The following BMPR1B variants were observed in gnomAD, a reference collection of about 807,000 sequenced individuals.
BMPR1B encodes the protein bone morphogenetic protein receptor type-1B.
A neutral mutation model predicts 59.1 loss-of-function variants in BMPR1B; 12 were observed. The ratio of observed to expected loss-of-function variants is 0.20; its 90% CI spans 0.13 to 0.33. The LOEUF is 0.33. BMPR1B is among the 10% of genes least tolerant of loss of function. BMPR1B has a pLI of 1.00. For synonymous variants in BMPR1B, 237 were observed against 207.3 expected (o/e 1.14, Z -1.23); for missense variants, 550 against 610.9 (o/e 0.90, Z 1.05).
At chr4:94,785,938 T>A (rs1006015026) in intron 1 of BMPR1B, among the ~76,000 whole-genome samples, 14 of 152,194 alleles carry the variant, frequency 9.2e-5, no homozygotes, top group African/African-American at 3.4e-4. Flanking sequence ...TAGTGACCTT[T>A]CCTGAAGTTA....
chr4:94,784,402 T>G (rs1722692762), intron 1 of BMPR1B, among the ~76,000 whole-genome samples: 2 of 152,342 alleles, frequency 1.3e-5, no homozygotes, highest in South Asian at 4.1e-4. Context: ...CTTACAAGAT[T>G]ACTTTTTAAA....
intron 1 of BMPR1B, among the ~76,000 whole-genome samples, chr4:94,870,410 G>C (rs935864686): frequency 7.1e-6 from 1 of 141,810 alleles, no homozygotes; most frequent in African/African-American, 3.1e-5. Context: ...TACCACTTGT[G>C]GTAGAGAACA....
chr4:94,916,391 C>T (rs1728484572), intron 2 of BMPR1B, among the ~76,000 whole-genome samples: 1 of 152,136 alleles, frequency 6.6e-6, no homozygotes, highest in Non-Finnish European at 1.5e-5. Flanking sequence ...GCCGAGGTCT[C>T]AAATGGAAAT....
At chr4:95,052,605 T>G (rs1726586182) in intron 3 of BMPR1B, among the ~76,000 whole-genome samples, 1 of 152,190 alleles carries the variant, frequency 6.6e-6, no homozygotes, top group Admixed American at 6.5e-5. Flanking sequence ...TAGAACTAAC[T>G]TGGCTGTACT....
At chr4:95,032,366 G>T (rs138751393) in intron 3 of BMPR1B, among the ~76,000 whole-genome samples, 27 of 152,020 alleles carry the variant, frequency 1.8e-4, no homozygotes, top group African/African-American at 6.0e-4. Context: ...CTGTGATAGG[G>T]TCCTTACTCT....
chr4:94,768,832 C>T (rs1322544778), intron 1 of BMPR1B, among the ~76,000 whole-genome samples: 4 of 152,052 alleles, frequency 2.6e-5, no homozygotes, highest in African/African-American at 9.7e-5. Flanking sequence ...ATATTTTGAA[C>T]AAAGGAATGT....
chr4:95,116,552 A>G (rs1732079678), intron 6 of BMPR1B, among the ~76,000 whole-genome samples: 1 of 151,898 alleles, frequency 6.6e-6, no homozygotes, highest in African/African-American at 2.4e-5. Flanking sequence ...TTTCTTGAGA[A>G]GAGAAAAATC....
intron 2 of BMPR1B, among the ~76,000 whole-genome samples, chr4:94,881,800 G>A (rs970568902): frequency 1.3e-5 from 2 of 151,970 alleles, no homozygotes; most frequent in Non-Finnish European, 2.9e-5. Context: ...TTTTTCTTCA[G>A]CCATAAAATA....
chr4:94,829,341 T>TG, intron 1 of BMPR1B, among the ~76,000 whole-genome samples: 1 of 151,704 alleles, frequency 6.6e-6, no homozygotes, highest in South Asian at 2.1e-4. Context: ...TTTTTTTTTT[T>TG]TTGGGACACT....
In BMPR1B at chr4:94,900,271, C is replaced by G. The variant is rs1245729093; in HGVS notation, c.-113+24371C>G. ...TGTGTATAACTTGAACCTAAGATGT[C>G]AATTAGCTGGATGGTGTATTTTTAC... is the stretch of plus-strand genomic sequence containing the variant. On this transcript the variant is annotated intron_variant, in intron 2 of 12. Transcript: ENST00000515059. 2.1e-5 allele frequency among the ~76,000 whole-genome samples: 3 copies of G among 143,282 alleles called. No individual in the cohort carries two copies. The East Asian group carries it at 6.2e-4, about 29-fold the overall frequency. 94.0% of individuals were successfully genotyped at this position (143,282 alleles called of 152,430 possible).
At chr4:94,876,548 G>C (rs1216417050) in intron 2 of BMPR1B, among the ~76,000 whole-genome samples, 1 of 152,158 alleles carries the variant, frequency 6.6e-6, no homozygotes, top group Non-Finnish European at 1.5e-5. Flanking sequence ...TGTGAAAACT[G>C]TTCTGTTAAT....
At chr4:95,076,538 A>G (rs1306734577) in intron 3 of BMPR1B, among the ~76,000 whole-genome samples, 3 of 152,096 alleles carry the variant, frequency 2.0e-5, no homozygotes, top group African/African-American at 7.2e-5. Flanking sequence ...TCTAGGTACT[A>G]AAAGCATTTT....
chr4:94,826,093 T>G (rs1443480466), intron 1 of BMPR1B, among the ~76,000 whole-genome samples: 3 of 152,242 alleles, frequency 2.0e-5, no homozygotes, highest in Non-Finnish European at 4.4e-5. Context: ...ATATTTTTAT[T>G]TGTTTATTTG....
intron 3 of BMPR1B, among the ~76,000 whole-genome samples, chr4:95,080,353 C>T (rs1281013226): frequency 1.3e-5 from 2 of 152,148 alleles, no homozygotes; most frequent in Non-Finnish European, 2.9e-5. Flanking sequence ...TTACCTCCCT[C>T]AACCTCCTGA....
intron 1 of BMPR1B, among the ~76,000 whole-genome samples, chr4:94,850,311 T>C (rs552304966): frequency 6.6e-6 from 1 of 152,204 alleles, no homozygotes; most frequent in Admixed American, 6.5e-5. Context: ...CAAAGGAAAT[T>C]AATGAATAGA....
intron 2 of BMPR1B, among the ~76,000 whole-genome samples, chr4:94,969,331 G>A (rs956987958): frequency 3.3e-5 from 5 of 152,012 alleles, no homozygotes; most frequent in African/African-American, 7.2e-5. Context: ...CACCATGCCC[G>A]TCCATATCCT....
At chr4:94,898,643 C>T (rs761177037) in intron 2 of BMPR1B, among the ~76,000 whole-genome samples, 1 of 152,048 alleles carries the variant, frequency 6.6e-6, no homozygotes, top group Non-Finnish European at 1.5e-5. Flanking sequence ...CAATTAAACT[C>T]TTTTCTTTGT....
At chr4:95,140,244 C>A (rs1431072096) in intron 10 of BMPR1B, among the ~76,000 whole-genome samples, 2 of 152,140 alleles carry the variant, frequency 1.3e-5, no homozygotes, top group African/African-American at 4.8e-5. Context: ...GTTTCTAGTG[C>A]CTTTCCCTGG....
intron 1 of BMPR1B, among the ~76,000 whole-genome samples, chr4:94,765,459 T>C (rs1245671921): frequency 1.3e-5 from 2 of 152,134 alleles, no homozygotes; most frequent in African/African-American, 2.4e-5. Context: ...CGTAGACTAT[T>C]TTAAAAGTTT....
Sources: gnomAD v4.1 joint callset for allele counts (sites outside exome capture counted in the v4.1 genomes callset) on GRCh38, gnomAD v4.1.1 for gene constraint, MANE v1.5 for transcripts, NCBI Gene and HGNC (gene_info 2026-07-23, HGNC 2026-07-21) for gene names.